Variants in DMRTA2 observed in about 807,000 individuals in gnomAD.
DMRTA2 encodes doublesex- and mab-3-related transcription factor A2.
In DMRTA2, 10 loss-of-function variants were observed where a neutral mutation model predicts 29.7. The observed-to-expected ratio is 0.34, with a 90% CI of 0.21 to 0.57. The LOEUF is 0.57. Ranked by LOEUF, DMRTA2 falls within the 20% of genes least tolerant of loss-of-function variation. The probability of loss-of-function intolerance (pLI) is 0.87; values close to 1 mark genes in which losing one functional copy is unlikely to be tolerated. For missense variants in DMRTA2, 783 were observed against 812.1 expected, an observed-to-expected ratio of 0.96 and a Z score of 0.44; for synonymous variants, 469 against 402.6, an observed-to-expected ratio of 1.16 and a Z score of -1.97.
In DMRTA2 at chr1:50,418,617, G is replaced by C; in HGVS notation, c.*48C>G. The stretch of plus-strand genomic sequence containing the variant: ...GAGGGGTCGATGGCCCGCGGGAACA[G>C]GGCTGGGGTTCCTGTTTGGGGACCG... On this transcript the variant is annotated 3_prime_UTR_variant, in exon 3 of 3. Transcript: ENST00000404795. 1 of 1,352,314 alleles carries C rather than the reference G, an allele frequency of 7.4e-7. No individual in the cohort carries two copies. Among genetic ancestry groups the C allele is most frequent in the Non-Finnish European group, 9.6e-7 (1 of 1,044,522 alleles). 83.8% of individuals were successfully genotyped at this position (1,352,314 alleles called of 1,614,324 possible). A position where few individuals can be genotyped will look rare whatever the true frequency, so the allele number is the denominator to read the frequency against.
rs1224533510 is a variant in DMRTA2, at chr1:50,418,525, CA to C, written c.*139del. On this transcript the variant is annotated 3_prime_UTR_variant, in exon 3 of 3. Coordinates refer to ENST00000404795, the MANE Select transcript of DMRTA2 (RefSeq NM_032110.3). ...AGCCTTCCCCACCCACCCTCCTAAA[CA>C]AAACCCAAAAACCACCTTAGAGTGA... The C allele has an allele frequency of 2.3e-5, 16 of 689,090 alleles. No homozygotes were observed. Among genetic ancestry groups the C allele is most frequent in the Middle Eastern group, 4.5e-4 (1 of 2,224 alleles). 42.7% of individuals were successfully genotyped at this position (689,090 alleles called of 1,614,324 possible). A position where few individuals can be genotyped will look rare whatever the true frequency, so the allele number is the denominator to read the frequency against.
Position 50,422,707 on chromosome 1 carries a change from C to T in DMRTA2, c.-9+409G>A, listed in dbSNP as rs1456682462. Among the ~76,000 whole-genome samples, 1 of 151,944 alleles carries T rather than the reference C, an allele frequency of 6.6e-6. No individual in the cohort carries two copies. The highest frequency in any genetic ancestry group is 1.5e-5 in the Non-Finnish European group (1 of 67,970). ...AGACACGCCCTCCCCGTCTTGGGGT[C>T]CCAGGGGACCCCTCTCGAGCGCAGG... On this transcript the variant is annotated intron_variant, in intron 1 of 2. Transcript: ENST00000404795. The surrounding 1 kb of genome is among the most constrained non-coding windows in gnomAD (Gnocchi z 5.7).
Position 50,419,770 on chromosome 1 carries a change from A to G in DMRTA2, c.560-36T>C. Reference sequence around the variant, plus strand: ...AGAAAACGTGTCGTGAGGAGCGGTTAGCTAGAAGACAGCAGTCACAGCACC... The same window carrying G: ...AGAAAACGTGTCGTGAGGAGCGGTTGGCTAGAAGACAGCAGTCACAGCACC... On this transcript the variant is annotated intron_variant, in intron 2 of 2. Transcript: ENST00000404795. This position sits in a 1 kb window ranked among gnomAD's most constrained non-coding sequence, Gnocchi z 6.1. 6.9e-7 allele frequency: 1 copy of G among 1,440,428 alleles called. No individual in the cohort carries two copies. Among genetic ancestry groups the G allele is most frequent in the Admixed American group, 2.9e-5 (1 of 34,410 alleles). The allele number at this position is 1,440,428 out of a possible 1,614,324, so 89.2% of individuals were successfully genotyped here. A position where few individuals can be genotyped will look rare whatever the true frequency, so the allele number is the denominator to read the frequency against.
At position 50,419,162 on chromosome 1, in the gene DMRTA2, C is replaced by T. The variant is rs928765720; in HGVS notation, c.1132G>A (p.Ala378Thr). The change falls in exon 3 of 3, where the codon GCT (alanine) becomes ACT (threonine). Residue 378 changes from alanine (A) to threonine (T), a missense_variant. Ala to Thr is a moderately conservative substitution (Grantham distance 58). Transcript: ENST00000404795. The surrounding 1 kb of genome is among the most constrained non-coding windows in gnomAD (Gnocchi z 6.1). The part of the protein sequence containing the change: ...PDKAAVGAAA[A>T]ADDAWPSRVD... The stretch of plus-strand genomic sequence containing the variant: ...CGGCTGGGCCACGCGTCGTCTGCAG[C>T]TGCTGCAGCACCCACGGCGGCCTTA... 4 of 1,273,002 alleles carry T rather than the reference C, an allele frequency of 3.1e-6. No homozygotes were observed. The highest frequency in any genetic ancestry group is 1.6e-5 in the African/African-American group (1 of 64,418). 78.9% of individuals were successfully genotyped at this position (1,273,002 alleles called of 1,614,324 possible). A position where few individuals can be genotyped will look rare whatever the true frequency, so the allele number is the denominator to read the frequency against.
rs1646009425 is a variant in DMRTA2 at position 50,418,775 on chromosome 1, C to T, written c.1519G>A (p.Asp507Asn). The T allele has an allele frequency of 1.9e-6, 3 of 1,585,560 alleles. No homozygotes were observed. Among genetic ancestry groups the T allele is most frequent in the African/African-American group, 1.4e-5 (1 of 72,296 alleles). The change falls in exon 3 of 3, where the codon GAT becomes AAT. Residue 507 changes from aspartate to asparagine, a missense_variant. This residue lies in a region of DMRTA2 where 667 missense variants were observed against 624.8 expected (regional missense o/e 1.07). Coordinates refer to ENST00000404795, the MANE Select transcript of DMRTA2 (RefSeq NM_032110.3). ...FRPPMDYAFS[D>N]LMRDRSAAAA... ...GCGGCCGAGCGGTCACGCATGAGAT[C>T]GCTAAAGGCGTAGTCCATGGGTGGG...
In DMRTA2 at chr1:50,419,388, C is replaced by G. The variant is rs1394634932; in HGVS notation, c.906G>C (p.Ala302=). 6 of 1,596,742 alleles carry G rather than the reference C, an allele frequency of 3.8e-6. No individual in the cohort carries two copies. In the South Asian group the frequency reaches 6.6e-5, roughly 18 times the overall value. The change falls in exon 3 of 3, where the codon GCG becomes GCC. Residue 302 remains alanine, a synonymous_variant. Transcript: ENST00000404795. This position sits in a 1 kb window ranked among gnomAD's most constrained non-coding sequence, Gnocchi z 6.1. ...GACCCGAGCCTCCGCCCAGCCCTGG[C>G]GCCGGCGCGGCCTCACCCTCTTCTT... ...ADKEEGEAAP[A]PGLGGGSGPR...
rs1645998514 is a variant in DMRTA2 at position 50,418,026 on chromosome 1, C to G, written c.*639G>C. 6.6e-6 allele frequency: 1 copy of G among 151,500 alleles called. No homozygotes were observed. The highest frequency in any genetic ancestry group is 1.5e-5 in the Non-Finnish European group (1 of 67,948). 9.4% of individuals were successfully genotyped at this position (151,500 alleles called of 1,614,324 possible). ...TGTATAGATTATATATAGATTTATA[C>G]ATATATAAAAACACACTGCACCAAG... On this transcript the variant is annotated 3_prime_UTR_variant, in exon 3 of 3. Coordinates refer to ENST00000404795, the MANE Select transcript of DMRTA2 (RefSeq NM_032110.3).
At position 50,419,388 on chromosome 1, in the gene DMRTA2, CGCCGGCGCG is replaced by C; in HGVS notation, c.897_905del (p.Ala300_Ala302del). 2 of 1,596,742 alleles carry C rather than the reference CGCCGGCGCG, an allele frequency of 1.3e-6. No individual in the cohort carries two copies. Among genetic ancestry groups the C allele is most frequent in the Non-Finnish European group, 1.7e-6 (2 of 1,178,968 alleles). ...GACCCGAGCCTCCGCCCAGCCCTGG[CGCCGGCGCG>C]GCCTCACCCTCTTCTTTGTCAGCCT... On this transcript the variant is annotated inframe_deletion, in exon 3 of 3. Coordinates refer to ENST00000404795, the MANE Select transcript of DMRTA2 (RefSeq NM_032110.3). The surrounding 1 kb of genome is among the most constrained non-coding windows in gnomAD (Gnocchi z 6.1).
At position 50,418,115 on chromosome 1, in the gene DMRTA2, A is replaced by G. The variant is rs1645999919; in HGVS notation, c.*550T>C. ...ACAAATACCGCAACGAGGAAAGTGCACCTTAAAACTTGTTTCCTTTTTTTT... is the reference window on the plus strand; with the variant it reads ...ACAAATACCGCAACGAGGAAAGTGCGCCTTAAAACTTGTTTCCTTTTTTTT... On this transcript the variant is annotated 3_prime_UTR_variant, in exon 3 of 3. Coordinates refer to ENST00000404795, the MANE Select transcript of DMRTA2 (RefSeq NM_032110.3). 6.8e-6 allele frequency: 1 copy of G among 146,606 alleles called. No homozygotes were observed. Among genetic ancestry groups the G allele is most frequent in the Admixed American group, 6.8e-5 (1 of 14,754 alleles). The allele number at this position is 146,606 out of a possible 1,614,324, so 9.1% of individuals were successfully genotyped here.
Position 50,419,066 on chromosome 1 carries a change from GC to G in DMRTA2, c.1227del (p.Ala411ProfsTer22). The G allele has an allele frequency of 7.8e-7, 1 of 1,277,130 alleles. No individual in the cohort carries two copies. Among genetic ancestry groups the G allele is most frequent in the Non-Finnish European group, 9.9e-7 (1 of 1,015,102 alleles). The allele number at this position is 1,277,130 out of a possible 1,614,324, so 79.1% of individuals were successfully genotyped here. A position where few individuals can be genotyped will look rare whatever the true frequency, so the allele number is the denominator to read the frequency against. ...GPGLPAPLQA[G>X]PAAPPHHRPL... ...GGTCTGTGGTGCGGAGGTGCGGCGGGCCCCGCCTGCAGCGGCGCAGGCAGCC... is the reference window on the plus strand; with the variant it reads ...GGTCTGTGGTGCGGAGGTGCGGCGGGCCCGCCTGCAGCGGCGCAGGCAGCC... On this transcript the variant is annotated frameshift_variant, in exon 3 of 3. Transcript: ENST00000404795. LOFTEE classifies it high-confidence loss of function. The surrounding 1 kb of genome is among the most constrained non-coding windows in gnomAD (Gnocchi z 6.1).
chr1:50,418,599 C>A lies in DMRTA2; in HGVS notation c.*66G>T. The A allele has an allele frequency of 7.8e-7, 1 of 1,275,730 alleles. No individual in the cohort carries two copies. The highest frequency in any genetic ancestry group is 2.3e-5 in the South Asian group (1 of 44,122). The allele number at this position is 1,275,730 out of a possible 1,614,324, so 79.0% of individuals were successfully genotyped here. ...GAGAGAGCGCTGGGCGAAGAGGGGTCGATGGCCCGCGGGAACAGGGCTGGG... is the reference window on the plus strand; with the variant it reads ...GAGAGAGCGCTGGGCGAAGAGGGGTAGATGGCCCGCGGGAACAGGGCTGGG... On this transcript the variant is annotated 3_prime_UTR_variant, in exon 3 of 3. Coordinates refer to ENST00000404795, the MANE Select transcript of DMRTA2 (RefSeq NM_032110.3).
rs1340682082 is a variant in DMRTA2 at position 50,420,268 on chromosome 1, G to A, written c.560-534C>T. 6.6e-6 allele frequency among the ~76,000 whole-genome samples: 1 copy of A among 152,172 alleles called. No homozygotes were observed. Among genetic ancestry groups the A allele is most frequent in the Admixed American group, 6.5e-5 (1 of 15,284 alleles). ...CACCCTTTCCAAAATTGAGACCTGA[G>A]AAGTTCTTCCCTCCCAAGTTTAGAG... is the stretch of plus-strand genomic sequence containing the variant. On this transcript the variant is annotated intron_variant, in intron 2 of 2. Coordinates refer to ENST00000404795, the MANE Select transcript of DMRTA2 (RefSeq NM_032110.3). This position sits in a 1 kb window ranked among gnomAD's most constrained non-coding sequence, Gnocchi z 4.1.
chr1:50,421,459 C>T lies in DMRTA2; in HGVS notation c.78G>A (p.Val26=). Residue 26 remains valine, a synonymous_variant, in exon 2 of 3, where the codon GTG becomes GTA. Coordinates refer to ENST00000404795, the MANE Select transcript of DMRTA2 (RefSeq NM_032110.3). This position sits in a 1 kb window ranked among gnomAD's most constrained non-coding sequence, Gnocchi z 8.7. ...AAAATATGPP[V]ASVASVAAAA... Reference sequence around the variant, plus strand: ...CTGCCGCCACCGACGCCACCGACGCCACAGGCGGCCCCGTCGCTGTTGCCG... The same window carrying T: ...CTGCCGCCACCGACGCCACCGACGCTACAGGCGGCCCCGTCGCTGTTGCCG... The T allele has an allele frequency of 7.6e-7, 1 of 1,312,660 alleles. No homozygotes were observed. Among genetic ancestry groups the T allele is most frequent in the Non-Finnish European group, 9.6e-7 (1 of 1,037,006 alleles). The allele number at this position is 1,312,660 out of a possible 1,614,324, so 81.3% of individuals were successfully genotyped here. A position where few individuals can be genotyped will look rare whatever the true frequency, so the allele number is the denominator to read the frequency against.
rs1646027245 is a variant in DMRTA2, at chr1:50,420,453, G to A, written c.559+525C>T. On this transcript the variant is annotated intron_variant, in intron 2 of 2. Coordinates refer to ENST00000404795, the MANE Select transcript of DMRTA2 (RefSeq NM_032110.3). This position sits in a 1 kb window ranked among gnomAD's most constrained non-coding sequence, Gnocchi z 4.1. ...CTGAGAAACCAGGGAGGGTGCGGAA[G>A]AAACTAGAAGGAGGGAGGGCGCAGC... Among the ~76,000 whole-genome samples the A allele has an allele frequency of 6.6e-6, 1 of 152,116 alleles. No individual in the cohort carries two copies. The highest frequency in any genetic ancestry group is 2.4e-5 in the African/African-American group (1 of 41,390).
At position 50,421,750 on chromosome 1, in the gene DMRTA2, G is replaced by T. The variant is rs904607949; in HGVS notation, c.-8-206C>A. The stretch of plus-strand genomic sequence containing the variant: ...CCTTCACCCCAGTCTGGCCATGGCT[G>T]CTCTTAGACCTGATATACACGCTAG... On this transcript the variant is annotated intron_variant, in intron 1 of 2. Coordinates refer to ENST00000404795, the MANE Select transcript of DMRTA2 (RefSeq NM_032110.3). The surrounding 1 kb of genome is among the most constrained non-coding windows in gnomAD (Gnocchi z 8.7). The T allele has an allele frequency of 9.3e-6, 4 of 430,222 alleles. No individual in the cohort carries two copies. Among genetic ancestry groups the T allele is most frequent in the Non-Finnish European group, 1.5e-5 (4 of 267,068 alleles). The allele number at this position is 430,222 out of a possible 1,614,324, so 26.7% of individuals were successfully genotyped here. A position where few individuals can be genotyped will look rare whatever the true frequency, so the allele number is the denominator to read the frequency against.
Position 50,418,761 on chromosome 1 carries a change from G to C in DMRTA2, c.1533C>G (p.Asp511Glu). The C allele has an allele frequency of 6.3e-7, 1 of 1,579,618 alleles. No individual in the cohort carries two copies. The highest frequency in any genetic ancestry group is 8.6e-7 in the Non-Finnish European group (1 of 1,166,368). ...MDYAFSDLMR[D>E]RSAAAAAAVH... Reference sequence around the variant, plus strand: ...CCGCCGCAGCAGCGGCGGCCGAGCGGTCACGCATGAGATCGCTAAAGGCGT... The same window carrying C: ...CCGCCGCAGCAGCGGCGGCCGAGCGCTCACGCATGAGATCGCTAAAGGCGT... The change falls in exon 3 of 3, where the codon GAC becomes GAG. Residue 511 changes from aspartate (D) to glutamate (E), a missense_variant. Around this residue, in one of 3 missense-constraint regions of DMRTA2, gnomAD observed 667 missense variants for 624.8 expected, o/e 1.07. Coordinates refer to ENST00000404795, the MANE Select transcript of DMRTA2 (RefSeq NM_032110.3).
At position 50,420,922 on chromosome 1, in the gene DMRTA2, C is replaced by G. The variant is rs1027340548; in HGVS notation, c.559+56G>C. 2.0e-5 allele frequency: 28 copies of G among 1,397,710 alleles called. No individual in the cohort carries two copies. The highest frequency in any genetic ancestry group is 5.9e-5 in the East Asian group (2 of 33,804). 86.6% of individuals were successfully genotyped at this position (1,397,710 alleles called of 1,614,324 possible). ...TGAACCGAGACAAGCCCCTGGGCCCCGTGCCCCAGAGCTACGATCCTGCTG... is the reference window on the plus strand; with the variant it reads ...TGAACCGAGACAAGCCCCTGGGCCCGGTGCCCCAGAGCTACGATCCTGCTG... On this transcript the variant is annotated intron_variant, in intron 2 of 2. Coordinates refer to ENST00000404795, the MANE Select transcript of DMRTA2 (RefSeq NM_032110.3). This position sits in a 1 kb window ranked among gnomAD's most constrained non-coding sequence, Gnocchi z 4.1.
In DMRTA2 at chr1:50,422,539, G is replaced by A. The variant is rs1646046587; in HGVS notation, c.-9+577C>T. 6.6e-6 allele frequency among the ~76,000 whole-genome samples: 1 copy of A among 152,150 alleles called. No homozygotes were observed. Among genetic ancestry groups the A allele is most frequent in the African/African-American group, 2.4e-5 (1 of 41,456 alleles). ...GGGATTGGGTAAAACCTGTGGTGCAGTTTTTTAGCTTCGCAGTCTGGAGTA... is the reference window on the plus strand; with the variant it reads ...GGGATTGGGTAAAACCTGTGGTGCAATTTTTTAGCTTCGCAGTCTGGAGTA... On this transcript the variant is annotated intron_variant, in intron 1 of 2. Coordinates refer to ENST00000404795, the MANE Select transcript of DMRTA2 (RefSeq NM_032110.3). The surrounding 1 kb of genome is among the most constrained non-coding windows in gnomAD (Gnocchi z 5.7).
rs1279083195 is a variant in DMRTA2, at chr1:50,420,605, A to C, written c.559+373T>G. 6.6e-6 allele frequency among the ~76,000 whole-genome samples: 1 copy of C among 152,014 alleles called. No homozygotes were observed. Among genetic ancestry groups the C allele is most frequent in the East Asian group, 1.9e-4 (1 of 5,188 alleles). ...GGGGGGATTCCTTAAGGGAGTTGGG[A>C]AGGAGCAGAGGGAAAGGGCCTGTGG... On this transcript the variant is annotated intron_variant, in intron 2 of 2. Transcript: ENST00000404795. This position sits in a 1 kb window ranked among gnomAD's most constrained non-coding sequence, Gnocchi z 4.1.
Sources: allele counts gnomAD v4.1 joint callset (sites outside exome capture counted in the v4.1 genomes callset), GRCh38; gene constraint gnomAD v4.1.1; regional missense constraint gnomAD v4.1.1; non-coding constraint Gnocchi (gnomAD v3.1); transcripts MANE v1.5; gene names NCBI Gene and HGNC (gene_info 2026-07-23, HGNC 2026-07-21).